Variants in LPIN3 observed in about 807,000 individuals in gnomAD.
LPIN3 encodes lipin 3.
Under a neutral mutation model 94.7 loss-of-function variants are expected in LPIN3, and 82 were observed. The observed-to-expected ratio is 0.87, with a 90% CI of 0.72 to 1.04. The LOEUF is 1.04. Ranked by LOEUF, LPIN3 falls within the 50% of genes least tolerant of loss-of-function variation. LPIN3 has a pLI of 0.00. For missense variants in LPIN3, 996 were observed against 1,090.5 expected, an observed-to-expected ratio of 0.91 and a Z score of 1.22; for synonymous variants, 418 against 443.3, an observed-to-expected ratio of 0.94 and a Z score of 0.72.
chr20:41,348,489 A>T (rs553841832), intron 3 of LPIN3, 130 bp from the exon 4 acceptor site: 509 of 1,391,518 alleles, frequency 3.7e-4, no homozygotes, highest in Non-Finnish European at 4.6e-4. Context: ...TGGTGCCTCC[A>T]CACCTGTTTT....
chr20:41,351,389 C>A (rs971320621), intron 7 of LPIN3, among the ~76,000 whole-genome samples: 2 of 151,268 alleles, frequency 1.3e-5, no homozygotes, highest in South Asian at 2.1e-4. Flanking sequence ...CTCTGCCTCC[C>A]GGGTTCAAGT....
chr20:41,354,934 G>C (rs2046159638), intron 13 of LPIN3, 71 bp downstream of exon 13: 4 of 1,459,620 alleles, frequency 2.7e-6, no homozygotes, highest in Non-Finnish European at 3.7e-6. Flanking sequence ...CAGGTGGGTG[G>C]CAGGGAGGAG....
chr20:41,354,963 C>T lies in LPIN3; in HGVS notation c.1664+100C>T, dbSNP rs2046160505. 10 of 1,185,508 alleles carry T rather than the reference C, an allele frequency of 8.4e-6. No individual in the cohort carries two copies. In the East Asian group the frequency reaches 2.7e-4, roughly 32 times the overall value. The allele number at this position is 1,185,508 out of a possible 1,614,324, so 73.4% of individuals were successfully genotyped here. On this transcript the variant is annotated intron_variant, in intron 13 of 19. Coordinates refer to ENST00000373257, the MANE Select transcript of LPIN3 (RefSeq NM_022896.3). ...GGAGGAGCCAGCACCCTGTCTCCAG[C>T]TGTGGGTTTTTTTTTTTGTCATTCC...
At chr20:41,354,609 G>A (rs750934145) in intron 11 of LPIN3, 36 bp from the exon 12 acceptor site, 10 of 1,535,370 alleles carry the variant, frequency 6.5e-6, no homozygotes, top group South Asian at 1.3e-5. Flanking sequence ...TTTATGTGGT[G>A]CAGGAAACAC....
chr20:41,358,094 C>T, intron 17 of LPIN3, 60 bp downstream of exon 17: 1 of 1,570,270 alleles, frequency 6.4e-7, no homozygotes, highest in East Asian at 2.2e-5. Context: ...AGGCCCACTG[C>T]CAGGCCAGCC....
Position 41,352,148 on chromosome 20 carries a change from A to C in LPIN3, c.1291A>C (p.Thr431Pro), listed in dbSNP as rs2046041359. 1.2e-6 allele frequency: 2 copies of C among 1,613,912 alleles called. No homozygotes were observed. The highest frequency in any genetic ancestry group is 1.7e-6 in the Non-Finnish European group (2 of 1,180,014). Residue 431 changes from threonine to proline, a missense_variant, in exon 9 of 20, where the codon ACT (threonine) becomes CCT (proline). Transcript: ENST00000373257. ...CAACCCTGAACATGAACCTGAACCC[A>C]CTCTGGACACAGTGGATACAATAGC... ...DPNPEHEPEPTLDTVDTIALS... is the reference protein window; with the variant it reads ...DPNPEHEPEPPLDTVDTIALS...
intron 1 of LPIN3, among the ~76,000 whole-genome samples, chr20:41,344,886 G>A (rs2045713611): frequency 6.6e-6 from 1 of 152,236 alleles, no homozygotes; most frequent in Non-Finnish European, 1.5e-5. Context: ...GCTGGGGTCA[G>A]GCTGTGCATG....
intron 4 of LPIN3, 82 bp from the exon 5 acceptor site, chr20:41,349,010 C>A: frequency 6.3e-7 from 1 of 1,585,722 alleles, no homozygotes; most frequent in Non-Finnish European, 8.6e-7. Flanking sequence ...TTCACCTTAC[C>A]AAGCCCCTGA....
chr20:41,350,528 G>A, intron 7 of LPIN3, 131 bp downstream of exon 7: 2 of 704,108 alleles, frequency 2.8e-6, no homozygotes, highest in South Asian at 4.2e-5. Context: ...GCCTCATGAA[G>A]CTCACAGTGC....
chr20:41,358,943 T>C lies in LPIN3; in HGVS notation c.*77T>C, dbSNP rs955887098. 14 of 1,553,530 alleles carry C rather than the reference T, an allele frequency of 9.0e-6. No individual in the cohort carries two copies. The highest frequency in any genetic ancestry group is 1.2e-5 in the Non-Finnish European group (14 of 1,147,394). On this transcript the variant is annotated 3_prime_UTR_variant, in exon 20 of 20. Transcript: ENST00000373257. ...GTCCTGGGGTATAGGAGGGTGGGAA[T>C]TGGAGTGTCATGGGGCAAACCCACT...
Position 41,358,350 on chromosome 20 carries a change from A to G in LPIN3, c.2306A>G (p.Asn769Ser). 1 of 1,614,030 alleles carries G rather than the reference A, an allele frequency of 6.2e-7. No individual in the cohort carries two copies. Among genetic ancestry groups the G allele is most frequent in the Non-Finnish European group, 8.5e-7 (1 of 1,179,936 alleles). Residue 769 changes from asparagine (N) to serine (S), a missense_variant and splice_region_variant, in exon 18 of 20, where the codon AAT becomes AGT. Coordinates refer to ENST00000373257, the MANE Select transcript of LPIN3 (RefSeq NM_022896.3). The stretch of plus-strand genomic sequence containing the variant: ...TATGCTGCCTTTGGGAATAGGCCCA[A>G]TGTGAGTGTGTCCCCTCCACTCTGC... ...PFYAAFGNRP[N>S]DVFAYRQVGL...
In LPIN3 at chr20:41,349,173, G is replaced by C. The variant is rs754004383; in HGVS notation, c.638+1G>C. 1 of 1,614,018 alleles carries C rather than the reference G, an allele frequency of 6.2e-7. No individual in the cohort carries two copies. Among genetic ancestry groups the C allele is most frequent in the South Asian group, 1.1e-5 (1 of 91,044 alleles). On this transcript the variant is annotated splice_donor_variant, in intron 5 of 19. Transcript: ENST00000373257. LOFTEE classifies it high-confidence loss of function. ...ATGGCGAGTGGCCCCCCCAGGCCAG[G>C]TAAGAGTCCAGGTGGGCTGCAGGCC... is the stretch of plus-strand genomic sequence containing the variant.
intron 5 of LPIN3, 119 bp from the exon 6 acceptor site, chr20:41,349,655 T>C: frequency 8.2e-7 from 1 of 1,225,930 alleles, no homozygotes; most frequent in South Asian, 1.7e-5. Context: ...ATATTCCTTA[T>C]ATATTATGGA....
At chr20:41,346,949 G>A (rs929490461) in intron 2 of LPIN3, among the ~76,000 whole-genome samples, 2 of 152,122 alleles carry the variant, frequency 1.3e-5, no homozygotes, top group Non-Finnish European at 2.9e-5. Flanking sequence ...AGCTTGGGTT[G>A]TAGACTCAGC....
chr20:41,343,432 G>A (rs1244620383), intron 1 of LPIN3, among the ~76,000 whole-genome samples: 1 of 152,226 alleles, frequency 6.6e-6, no homozygotes, highest in Non-Finnish European at 1.5e-5. Flanking sequence ...AAACCAAAGT[G>A]GAAATGTCCC....
intron 2 of LPIN3, 57 bp downstream of exon 2, chr20:41,346,052 C>A: frequency 3.2e-6 from 5 of 1,553,742 alleles, no homozygotes; most frequent in Admixed American, 1.7e-5. Context: ...TAAGCTGGGG[C>A]AGCCACTACA....
chr20:41,349,956 C>T, intron 6 of LPIN3, 62 bp downstream of exon 6: 1 of 1,578,536 alleles, frequency 6.3e-7, no homozygotes, highest in Non-Finnish European at 8.6e-7. Context: ...CCCCATGGGT[C>T]AGGGTTGGAG....
intron 14 of LPIN3, among the ~76,000 whole-genome samples, chr20:41,356,573 T>C (rs1480244277): frequency 6.6e-6 from 1 of 152,240 alleles, no homozygotes; most frequent in Non-Finnish European, 1.5e-5. Flanking sequence ...GAAGCGGCCC[T>C]GATCCTTCCC....
intron 2 of LPIN3, among the ~76,000 whole-genome samples, chr20:41,346,419 A>G (rs6029643): frequency 4.6e-5 from 7 of 152,324 alleles, no homozygotes; most frequent in African/African-American, 1.7e-4. Context: ...TGTGGGAAAC[A>G]CTCAAATGTT....
Sources: allele counts gnomAD v4.1 joint callset (sites outside exome capture counted in the v4.1 genomes callset), GRCh38; gene constraint gnomAD v4.1.1; transcripts MANE v1.5; gene names NCBI Gene and HGNC (gene_info 2026-07-23, HGNC 2026-07-21).